The following MAST4 variants were observed in gnomAD, a reference collection of about 807,000 sequenced individuals.
The protein encoded by MAST4 is microtubule-associated serine/threonine-protein kinase 4.
Under a neutral mutation model 162.7 loss-of-function variants are expected in MAST4, and 89 were observed. The observed-to-expected ratio is 0.55, with a 90% CI of 0.46 to 0.65. The LOEUF (loss-of-function observed/expected upper bound fraction) is 0.65, where lower values mean the gene tolerates loss of function less well. Among genes scored for constraint, MAST4 ranks in the 30% least tolerant of loss-of-function variants. The pLI, the probability that MAST4 is intolerant of heterozygous loss-of-function variation, is 0.00. For synonymous variants in MAST4, 1,479 were observed against 1,361.1 expected (o/e 1.09, Z -1.91); for missense variants, 3,153 against 3,374.0 (o/e 0.93, Z 1.62).
At chr5:67,073,591 A>G (rs1761232150) in intron 5 of MAST4, among the ~76,000 whole-genome samples, 1 of 152,206 alleles carries the variant, frequency 6.6e-6, no homozygotes, top group African/African-American at 2.4e-5. Flanking sequence ...AGTAGATACA[A>G]TTAGCCAAAT....
chr5:66,906,808 C>T (rs1763383164), intron 4 of MAST4, among the ~76,000 whole-genome samples: 1 of 152,166 alleles, frequency 6.6e-6, no homozygotes, highest in African/African-American at 2.4e-5. Context: ...GAATAATGAA[C>T]TTATTTTACC....
chr5:67,096,526 T>C (rs1046510166), intron 7 of MAST4, among the ~76,000 whole-genome samples: 8 of 152,164 alleles, frequency 5.3e-5, no homozygotes, highest in Non-Finnish European at 1.2e-4. Flanking sequence ...TATCCATCTA[T>C]TGTATTTTTG....
chr5:66,734,383 A>T (rs951933200), intron 1 of MAST4, among the ~76,000 whole-genome samples: 10 of 152,200 alleles, frequency 6.6e-5, no homozygotes, highest in African/African-American at 2.4e-4. Flanking sequence ...TGAATATCAG[A>T]TGGAGTCCAG....
intron 4 of MAST4, among the ~76,000 whole-genome samples, chr5:67,047,778 T>C (rs1254635620): frequency 1.3e-5 from 2 of 152,128 alleles, no homozygotes; most frequent in African/African-American, 4.8e-5. Context: ...CCCAGCGAGT[T>C]TCTTAACTTC....
intron 4 of MAST4, 100 bp from the exon 5 acceptor site, chr5:67,054,304 A>C: frequency 1.2e-6 from 1 of 829,482 alleles, no homozygotes; most frequent in Admixed American, 2.9e-5. Flanking sequence ...TAACATGAGC[A>C]GATAGGTTGC....
chr5:66,669,596 C>T (rs1342645675), intron 1 of MAST4, among the ~76,000 whole-genome samples: 2 of 152,108 alleles, frequency 1.3e-5, no homozygotes, highest in Non-Finnish European at 2.9e-5. Flanking sequence ...ACTAAGGCTG[C>T]CTGGCTTTGG....
intron 4 of MAST4, among the ~76,000 whole-genome samples, chr5:66,959,559 G>A (rs964191658): frequency 6.6e-6 from 1 of 152,324 alleles, no homozygotes; most frequent in Non-Finnish European, 1.5e-5. Flanking sequence ...ACAGCTCATT[G>A]TGAAAGAATG....
chr5:66,720,425 A>T (rs1461954905), intron 1 of MAST4, among the ~76,000 whole-genome samples: 2 of 152,134 alleles, frequency 1.3e-5, no homozygotes, highest in African/African-American at 4.8e-5. Flanking sequence ...TTCAGAGTCT[A>T]CTTTGTGAAT....
intron 4 of MAST4, among the ~76,000 whole-genome samples, chr5:67,003,548 T>C (rs541703844): frequency 1.3e-5 from 2 of 152,336 alleles, no homozygotes; most frequent in South Asian, 4.1e-4. Flanking sequence ...ACTAAGCCAT[T>C]TTTAGATGTA....
chr5:66,872,011 A>G (rs911053311), intron 3 of MAST4, among the ~76,000 whole-genome samples: 4 of 152,178 alleles, frequency 2.6e-5, no homozygotes, highest in African/African-American at 7.2e-5. Context: ...GATTTCACCA[A>G]TGAAAATCCA....
chr5:66,660,292 G>A (rs1299425283), intron 1 of MAST4, among the ~76,000 whole-genome samples: 1 of 152,182 alleles, frequency 6.6e-6, no homozygotes, highest in Non-Finnish European at 1.5e-5. Flanking sequence ...GGAGGTTGAG[G>A]CACGAGAATC....
chr5:66,864,103 G>A (rs1264081974), intron 3 of MAST4, among the ~76,000 whole-genome samples: 1 of 152,156 alleles, frequency 6.6e-6, no homozygotes, highest in Non-Finnish European at 1.5e-5. Flanking sequence ...TAAGTGCCAG[G>A]TAGAAAACAA....
intron 3 of MAST4, among the ~76,000 whole-genome samples, chr5:66,815,532 C>T (rs1756676248): frequency 6.6e-6 from 1 of 152,176 alleles, no homozygotes; most frequent in Non-Finnish European, 1.5e-5. Flanking sequence ...TGGTTTCGGG[C>T]ATTCACCAGG....
chr5:66,839,920 A>ATGTG (rs35351114), intron 3 of MAST4, among the ~76,000 whole-genome samples: 23 of 150,920 alleles, frequency 1.5e-4, no homozygotes, highest in African/African-American at 2.9e-4. Context: ...TTCTTTGTGC[A>ATGTG]TGTGTGTGTG....
At chr5:66,888,520 C>T (rs1561416949) in intron 3 of MAST4, among the ~76,000 whole-genome samples, 1 of 152,180 alleles carries the variant, frequency 6.6e-6, no homozygotes, top group Admixed American at 6.5e-5. Flanking sequence ...TAGTCTCATC[C>T]AATTCTGTCT....
intron 1 of MAST4, among the ~76,000 whole-genome samples, chr5:66,666,377 C>A (rs1411058441): frequency 6.6e-6 from 1 of 152,206 alleles, no homozygotes; most frequent in African/African-American, 2.4e-5. Flanking sequence ...CATATCTGGT[C>A]ATCTGTATTC....
intron 1 of MAST4, among the ~76,000 whole-genome samples, chr5:66,692,895 GAGA>G (rs1397331265): frequency 1.3e-5 from 2 of 152,132 alleles, no homozygotes; most frequent in East Asian, 3.9e-4. Context: ...AAGAAGAAAA[GAGA>G]AGGAGTGTGC....
chr5:66,791,001 T>G (rs867851077), intron 3 of MAST4, among the ~76,000 whole-genome samples: 24 of 152,148 alleles, frequency 1.6e-4, no homozygotes, highest in African/African-American at 5.6e-4. Context: ...CAGAATAATA[T>G]GTTTTCTTAA....
intron 1 of MAST4, among the ~76,000 whole-genome samples, chr5:66,628,941 T>C (rs1426477157): frequency 6.6e-6 from 1 of 152,210 alleles, no homozygotes; most frequent in Non-Finnish European, 1.5e-5. Context: ...CAGAGTTACC[T>C]AGAATTGTAT....
Sources: gnomAD v4.1 joint callset for allele counts (sites outside exome capture counted in the v4.1 genomes callset) on GRCh38, gnomAD v4.1.1 for gene constraint, MANE v1.5 for transcripts, NCBI Gene and HGNC (gene_info 2026-07-23, HGNC 2026-07-21) for gene names.